RABGAP1L: variants seen among roughly 807,000 people sequenced by gnomAD.
RABGAP1L encodes RAB GTPase activating protein 1 like, also known as rab GTPase-activating protein 1-like.
In RABGAP1L, 63 loss-of-function variants were observed where a neutral mutation model predicts 137.7. The observed-to-expected ratio is 0.46, with a 90% CI of 0.37 to 0.56. The LOEUF (loss-of-function observed/expected upper bound fraction) is 0.56. RABGAP1L is among the 20% of genes least tolerant of loss of function. The probability of loss-of-function intolerance (pLI) is 0.00; values close to 1 mark genes in which losing one functional copy is unlikely to be tolerated. For synonymous variants in RABGAP1L, 431 were observed against 433.7 expected, an observed-to-expected ratio of 0.99 and a Z score of 0.08; for missense variants, 1,095 against 1,244.0, an observed-to-expected ratio of 0.88 and a Z score of 1.80.
At chr1:174,255,390 AC>A (rs1673035157) in intron 7 of RABGAP1L, among the ~76,000 whole-genome samples, 1 of 152,254 alleles carries the variant, frequency 6.6e-6, no homozygotes, top group Non-Finnish European at 1.5e-5. Context: ...TTTCAAACTT[AC>A]AGAAGAGTTA....
intron 4 of RABGAP1L, 61 bp downstream of exon 4, chr1:174,231,416 G>A: frequency 1.4e-6 from 2 of 1,450,052 alleles, no homozygotes; most frequent in Admixed American, 1.7e-5. Context: ...TGGTGAAGAT[G>A]TTATAGCATC....
intron 13 of RABGAP1L, among the ~76,000 whole-genome samples, chr1:174,564,013 C>G (rs990782906): frequency 7.9e-5 from 12 of 152,084 alleles, no homozygotes; most frequent in African/African-American, 2.4e-4. Flanking sequence ...CCAGCTCCTG[C>G]AAAGCTCTGC....
Position 174,230,833 on chromosome 1 carries a change from T to G in RABGAP1L, c.332-312T>G, listed in dbSNP as rs191841994. On this transcript the variant is annotated intron_variant, in intron 3 of 25. Transcript: ENST00000681986. The stretch of plus-strand genomic sequence containing the variant: ...CTTTTACATACTTGTACTCTATCTT[T>G]TTGAGTTTTTTTTAATATAAAGCTT... Among the ~76,000 whole-genome samples, 427 of 152,280 alleles carry G rather than the reference T, an allele frequency of 2.8e-3. 4 individuals are homozygous for G. The highest frequency in any genetic ancestry group is 9.7e-3 in the African/African-American group (404 of 41,564).
chr1:174,957,356 A>G, intron 19 of RABGAP1L, 101 bp from the exon 20 acceptor site: 3 of 875,066 alleles, frequency 3.4e-6, no homozygotes, highest in Non-Finnish European at 5.6e-6. Flanking sequence ...TGAGTTGAGC[A>G]TGTTCCCTTA....
intron 1 of RABGAP1L, among the ~76,000 whole-genome samples, chr1:174,180,628 C>G (rs957347799): frequency 6.6e-6 from 1 of 152,068 alleles, no homozygotes; most frequent in African/African-American, 2.4e-5. Context: ...CCACGCCTGG[C>G]TAATTTTTTA....
At chr1:174,826,925 G>A (rs1451096678) in intron 19 of RABGAP1L, among the ~76,000 whole-genome samples, 1 of 152,102 alleles carries the variant, frequency 6.6e-6, no homozygotes, top group Non-Finnish European at 1.5e-5. Context: ...ATGTGTTTAG[G>A]CTGGTTGGAT....
At chr1:174,968,392 C>T (rs576262623) in intron 20 of RABGAP1L, among the ~76,000 whole-genome samples, 1 of 152,056 alleles carries the variant, frequency 6.6e-6, no homozygotes, top group African/African-American at 2.4e-5. Context: ...AATTTTGATA[C>T]TTTGGAATGG....
chr1:174,604,185 T>C (rs1670614113), intron 13 of RABGAP1L, among the ~76,000 whole-genome samples: 1 of 152,154 alleles, frequency 6.6e-6, no homozygotes, highest in South Asian at 2.1e-4. Flanking sequence ...CAAAGCACTT[T>C]AGTTCACAGT....
Position 174,651,931 on chromosome 1 carries a change from C to T in RABGAP1L, c.1824+14443C>T, listed in dbSNP as rs542990425. 6.0e-4 allele frequency among the ~76,000 whole-genome samples: 92 copies of T among 152,196 alleles called. 3 individuals are homozygous for T. Among genetic ancestry groups the T allele is most frequent in the Admixed American group, 1.5e-3 (23 of 15,290 alleles). On this transcript the variant is annotated intron_variant, in intron 14 of 25. Transcript: ENST00000681986. Reference sequence around the variant, plus strand: ...AGTTGATGCAGTTTTTTCCTAGACTCGATGGTCTTTACAATTTGGCATGGT... The same window carrying T: ...AGTTGATGCAGTTTTTTCCTAGACTTGATGGTCTTTACAATTTGGCATGGT...
chr1:174,311,330 A>G (rs1235065268), intron 11 of RABGAP1L, among the ~76,000 whole-genome samples: 4 of 152,172 alleles, frequency 2.6e-5, no homozygotes, highest in Admixed American at 6.5e-5. Flanking sequence ...TATCATGAGA[A>G]TAGTATGGGG....
At chr1:174,633,565 T>G (rs1420440106) in intron 13 of RABGAP1L, among the ~76,000 whole-genome samples, 2 of 144,762 alleles carry the variant, frequency 1.4e-5, no homozygotes, top group East Asian at 1.9e-4. Flanking sequence ...AAAAAGAGCC[T>G]GCATCACCAA....
chr1:174,942,065 C>G (rs1165625997), intron 19 of RABGAP1L, among the ~76,000 whole-genome samples: 1 of 152,156 alleles, frequency 6.6e-6, no homozygotes, highest in Non-Finnish European at 1.5e-5. Flanking sequence ...ACACTGGGAG[C>G]CAATGTGTGA....
intron 13 of RABGAP1L, among the ~76,000 whole-genome samples, chr1:174,618,155 T>A (rs566409688): frequency 2.0e-5 from 3 of 152,182 alleles, no homozygotes; most frequent in African/African-American, 7.2e-5. Flanking sequence ...AAGCTCGAAC[T>A]GAGTGGAGCC....
chr1:174,735,876 A>G (rs1297200164), intron 17 of RABGAP1L, among the ~76,000 whole-genome samples: 1 of 152,134 alleles, frequency 6.6e-6, no homozygotes, highest in Non-Finnish European at 1.5e-5. Context: ...TTCACTCATC[A>G]CCAAGGGGAT....
intron 24 of RABGAP1L, among the ~76,000 whole-genome samples, chr1:174,986,655 C>T (rs1277654976): frequency 6.6e-6 from 1 of 152,200 alleles, no homozygotes; most frequent in Non-Finnish European, 1.5e-5. Flanking sequence ...AATCAGAATT[C>T]AGCAACATGG....
chr1:174,657,697 T>G lies in RABGAP1L; in HGVS notation c.1824+20209T>G, dbSNP rs547701963. On this transcript the variant is annotated intron_variant, in intron 14 of 25. Coordinates refer to ENST00000681986, the MANE Select transcript of RABGAP1L (RefSeq NM_001366446.1). ...TGGCTATTGTAAATGCTGCAGTGAA[T>G]AAAGGAGTGCAGATATCCCTTCAAC... Among the ~76,000 whole-genome samples the G allele has an allele frequency of 2.6e-5, 4 of 152,312 alleles. No homozygotes were observed. The East Asian group carries it at 5.8e-4, about 22-fold the overall frequency.
At chr1:174,921,468 A>G (rs922984719) in intron 19 of RABGAP1L, among the ~76,000 whole-genome samples, 27 of 152,324 alleles carry the variant, frequency 1.8e-4, no homozygotes, top group African/African-American at 6.0e-4. Flanking sequence ...AAGGTGTACA[A>G]TTCTTCAAGG....
chr1:174,231,493 C>A, intron 4 of RABGAP1L, 138 bp downstream of exon 4: 1 of 776,146 alleles, frequency 1.3e-6, no homozygotes, highest in Non-Finnish European at 2.1e-6. Flanking sequence ...TAGGCTTAGA[C>A]TGTGTTCATT....
intron 19 of RABGAP1L, among the ~76,000 whole-genome samples, chr1:174,843,134 C>T (rs182316170): frequency 1.0e-3 from 155 of 151,786 alleles, no homozygotes; most frequent in African/African-American, 3.4e-3. Flanking sequence ...TCTACTGATT[C>T]GTAATTTTTT....
Sources: gnomAD v4.1 joint callset for allele counts (sites outside exome capture counted in the v4.1 genomes callset) on GRCh38, gnomAD v4.1.1 for gene constraint, MANE v1.5 for transcripts, NCBI Gene and HGNC (gene_info 2026-07-23, HGNC 2026-07-21) for gene names.